Variants in TBX22 observed in about 807,000 individuals in gnomAD.
TBX22 encodes T-box transcription factor TBX22.
A neutral mutation model predicts 30.1 loss-of-function variants in TBX22; 8 were observed. The ratio of observed to expected loss-of-function variants is 0.27; its 90% confidence interval spans 0.16 to 0.48. The LOEUF is 0.48. Among genes scored for constraint, TBX22 ranks in the 20% least tolerant of loss-of-function variants. TBX22 has a pLI of 0.99. For missense variants in TBX22, 463 were observed against 400.5 expected (o/e 1.16, Z -1.33); for synonymous variants, 173 against 149.1 (o/e 1.16, Z -1.17).
chrX:80,024,164 G>C lies in TBX22; in HGVS notation c.458G>C (p.Arg153Thr). The C allele has an allele frequency of 8.3e-7, 1 of 1,205,706 alleles. No homozygotes were observed. Among genetic ancestry groups the C allele is most frequent in the African/African-American group, 1.7e-5 (1 of 57,486 alleles). Residue 153 changes from arginine (R) to threonine (T), a missense_variant and splice_region_variant, in exon 4 of 9, where the codon AGG becomes ACG. Coordinates refer to ENST00000373296, the MANE Select transcript of TBX22 (RefSeq NM_001109878.2). ...GTGCCGGTGGATTCCAAACGCTATA[G>C]GTAATGGGCCCCATAGAATGGTACT... Reference protein sequence around the residue: ...DVVPVDSKRYRYVYHSSQWMV... With the variant: ...DVVPVDSKRYTYVYHSSQWMV...
At chrX:80,019,085 G>A (rs1182603088) in intron 1 of TBX22, among the ~76,000 whole-genome samples, 2 of 112,095 alleles carry the variant, frequency 1.8e-5, no homozygotes, top group African/African-American at 6.5e-5. Flanking sequence ...ATCAAGATGA[G>A]TGTATTTGTC....
At chrX:80,015,359 T>A (rs369889106) in intron 1 of TBX22, among the ~76,000 whole-genome samples, 95 of 111,896 alleles carry the variant, frequency 8.5e-4, no homozygotes, top group African/African-American at 2.8e-3. Context: ...GTGGCAGGTG[T>A]CTAACACTGA....
At chrX:80,020,194 C>G (rs1923615597) in intron 1 of TBX22, among the ~76,000 whole-genome samples, 1 of 111,415 alleles carries the variant, frequency 9.0e-6, no homozygotes, top group African/African-American at 3.3e-5. Context: ...TAATTGCACT[C>G]TAAAATTAAC....
intron 7 of TBX22, among the ~76,000 whole-genome samples, chrX:80,027,694 A>G (rs758369245): frequency 8.9e-6 from 1 of 112,043 alleles, no homozygotes; most frequent in South Asian, 3.7e-4. Flanking sequence ...AGTTTTAAGG[A>G]TAAGAAAACT....
intron 2 of TBX22, chrX:80,022,788 G>T (rs181992): frequency 0.016 from 6,152 of 395,383 alleles, 331 homozygotes; most frequent in African/African-American, 0.15. Context: ...GGTTATCAAC[G>T]TCTCCAGGAG....
rs781690864 is a variant in TBX22 at position 80,023,022 on chromosome X, G to T, written c.176-38G>T. 6 of 1,192,275 alleles carry T rather than the reference G, an allele frequency of 5.0e-6. No homozygotes were observed. The Admixed American group carries it at 1.3e-4, about 26-fold the overall frequency. ...GAGAAGTGGGCATGTGAACTGTGAC[G>T]CTCTCTCAAACCCTGAGCGCCTTTC... On this transcript the variant is annotated intron_variant, in intron 2 of 8. Coordinates refer to ENST00000373296, the MANE Select transcript of TBX22 (RefSeq NM_001109878.2).
intron 2 of TBX22, 148 bp from the exon 3 acceptor site, chrX:80,022,912 G>C (rs368459627): frequency 5.3e-6 from 3 of 562,452 alleles, no homozygotes. Flanking sequence ...CGGCCACAGA[G>C]GGTGTTATGC....
At chrX:80,017,280 T>TTGTGTGTGTG (rs3048747) in intron 1 of TBX22, among the ~76,000 whole-genome samples, 981 of 93,936 alleles carry the variant, frequency 0.01, 22 homozygotes, top group African/African-American at 0.038. Context: ...GGTGTTGTTT[T>TTGTGTGTGTG]TGTGTGTGTG....
chrX:80,017,284 G>GTC (rs1453475476), intron 1 of TBX22, among the ~76,000 whole-genome samples: 1 of 65,273 alleles, frequency 1.5e-5, no homozygotes, highest in Non-Finnish European at 3.3e-5. Flanking sequence ...TTGTTTTTGT[G>GTC]TGTGTGTGTG....
chrX:80,021,908 T>C (rs1159981287), intron 1 of TBX22, among the ~76,000 whole-genome samples: 1 of 111,990 alleles, frequency 8.9e-6, no homozygotes, highest in Non-Finnish European at 1.9e-5. Flanking sequence ...ACTAATGGTC[T>C]GCACATGTGC....
In TBX22 at chrX:80,031,254, G is replaced by A. The variant is rs1207148367; in HGVS notation, c.*143G>A. 2 of 558,260 alleles carry A rather than the reference G, an allele frequency of 3.6e-6. No individual in the cohort carries two copies. Among genetic ancestry groups the A allele is most frequent in the East Asian group, 3.6e-5 (1 of 27,609 alleles). The allele number at this position is 558,260 out of a possible 1,213,427, so 46.0% of individuals were successfully genotyped here. A position where few individuals can be genotyped will look rare whatever the true frequency, so the allele number is the denominator to read the frequency against. On this transcript the variant is annotated 3_prime_UTR_variant, in exon 9 of 9. Transcript: ENST00000373296. Reference sequence around the variant, plus strand: ...TGTTATACATTTAAAGATTTAAAGTGCCTTATCAAATAATATTCATGAAGA... The same window carrying A: ...TGTTATACATTTAAAGATTTAAAGTACCTTATCAAATAATATTCATGAAGA...
intron 2 of TBX22, 142 bp downstream of exon 2, chrX:80,022,586 G>A: frequency 3.4e-6 from 2 of 596,741 alleles, no homozygotes; most frequent in Non-Finnish European, 5.5e-6. Flanking sequence ...GGAAGTTTCA[G>A]CGCCTCCGAA....
intron 1 of TBX22, among the ~76,000 whole-genome samples, chrX:80,015,404 A>C (rs1923387197): frequency 8.9e-6 from 1 of 112,206 alleles, no homozygotes; most frequent in Non-Finnish European, 1.9e-5. Context: ...AAGTAGTGGT[A>C]CTTTCTACCG....
chrX:80,022,085 A>G (rs950043461), intron 1 of TBX22, among the ~76,000 whole-genome samples, 183 bp from the exon 2 acceptor site: 1 of 110,213 alleles, frequency 9.1e-6, no homozygotes, highest in Non-Finnish European at 1.9e-5. Flanking sequence ...TTCTTTGAAT[A>G]CAGATCCAGA....
In TBX22 at chrX:80,026,736, C is replaced by G. The variant is rs745901434; in HGVS notation, c.666C>G (p.Pro222=). ...TGCAATCCATGCATAAGTACAAACC[C>G]CGAGTGCACGTGATAGAGCAAGGCA... ...IILQSMHKYK[P]RVHVIEQGSS... Residue 222 remains proline (P), a synonymous_variant, in exon 6 of 9, where the codon CCC becomes CCG. Coordinates refer to ENST00000373296, the MANE Select transcript of TBX22 (RefSeq NM_001109878.2). 3.3e-6 allele frequency: 4 copies of G among 1,209,658 alleles called. No individual in the cohort carries two copies. Among genetic ancestry groups the G allele is most frequent in the Non-Finnish European group, 4.5e-6 (4 of 894,972 alleles).
chrX:80,022,637 G>C (rs1282856619), intron 2 of TBX22, 193 bp downstream of exon 2: 2 of 478,491 alleles, frequency 4.2e-6, no homozygotes, highest in South Asian at 6.0e-5. Context: ...GTAAAGGGGA[G>C]GGTCCCTACA....
At chrX:80,023,317 T>A in intron 3 of TBX22, 77 bp downstream of exon 3, 1 of 1,000,675 alleles carries the variant, frequency 1.0e-6, no homozygotes, top group South Asian at 1.9e-5. Context: ...AGATGAGGAC[T>A]CTCCAGTTTT....
chrX:80,022,603 C>A, intron 2 of TBX22, 159 bp downstream of exon 2: 1 of 531,787 alleles, frequency 1.9e-6, no homozygotes, highest in Non-Finnish European at 3.2e-6. Flanking sequence ...CGAATCCATC[C>A]CGGAGTACAG....
chrX:80,027,858 T>C, intron 7 of TBX22, 133 bp from the exon 8 acceptor site: 1 of 534,955 alleles, frequency 1.9e-6, no homozygotes, highest in Admixed American at 3.1e-5. Flanking sequence ...GACTGAATTT[T>C]ATTCAGAAGT....
Sources: allele counts gnomAD v4.1 joint callset (sites outside exome capture counted in the v4.1 genomes callset), GRCh38; gene constraint gnomAD v4.1.1; transcripts MANE v1.5; gene names NCBI Gene and HGNC (gene_info 2026-07-23, HGNC 2026-07-21).